Variants in XKR4 observed in about 807,000 individuals in gnomAD.
XKR4 encodes XK related 4.
XKR4 carries 12 observed loss-of-function variants against 53.9 expected under a neutral mutation model. The observed-to-expected ratio is 0.22, with a 90% CI of 0.14 to 0.36. The LOEUF is 0.36. Among genes scored for constraint, XKR4 ranks in the 10% least tolerant of loss-of-function variants. The pLI, the probability that XKR4 is intolerant of heterozygous loss-of-function variation, is 1.00. For missense variants in XKR4, 799 were observed against 859.5 expected (o/e 0.93, Z 0.88); for synonymous variants, 354 against 362.4 (o/e 0.98, Z 0.26).
intron 2 of XKR4, among the ~76,000 whole-genome samples, chr8:55,439,055 G>A (rs781319356): frequency 6.6e-6 from 1 of 152,178 alleles, no homozygotes; most frequent in Non-Finnish European, 1.5e-5. Context: ...GCGTAATTCA[G>A]CCTAGACTCT....
chr8:55,318,618 A>C (rs1473734777), intron 1 of XKR4, among the ~76,000 whole-genome samples: 1 of 152,188 alleles, frequency 6.6e-6, no homozygotes, highest in East Asian at 1.9e-4. Context: ...TGCTACCTGG[A>C]AACATTCATT....
intron 2 of XKR4, among the ~76,000 whole-genome samples, chr8:55,470,073 T>C (rs1805850068): frequency 6.6e-6 from 1 of 152,042 alleles, no homozygotes; most frequent in Non-Finnish European, 1.5e-5. Flanking sequence ...TCTGATGTAA[T>C]GGGGGAAAGT....
intron 2 of XKR4, among the ~76,000 whole-genome samples, chr8:55,490,259 G>T (rs1478692590): frequency 1.3e-5 from 2 of 152,144 alleles, no homozygotes; most frequent in Non-Finnish European, 2.9e-5. Flanking sequence ...AGAATAAAAT[G>T]ATGTAAAATG....
intron 2 of XKR4, among the ~76,000 whole-genome samples, chr8:55,378,155 C>A (rs751463614): frequency 5.9e-5 from 9 of 152,188 alleles, no homozygotes; most frequent in Non-Finnish European, 1.2e-4. Flanking sequence ...ACTACATTAA[C>A]ATGTGTAGAA....
intron 1 of XKR4, among the ~76,000 whole-genome samples, chr8:55,173,853 T>A (rs1267315924): frequency 6.6e-6 from 1 of 152,212 alleles, no homozygotes; most frequent in African/African-American, 2.4e-5. Context: ...ATATAATCAT[T>A]TACACACTTA....
At chr8:55,451,562 G>T in intron 2 of XKR4, 1 of 1,129,460 alleles carries the variant, frequency 8.9e-7, no homozygotes, top group Non-Finnish European at 1.3e-6. Flanking sequence ...CCAGAATGCA[G>T]CAGTACTGCC....
chr8:55,414,906 T>G (rs1232973669), intron 2 of XKR4, among the ~76,000 whole-genome samples: 1 of 152,180 alleles, frequency 6.6e-6, no homozygotes, highest in Non-Finnish European at 1.5e-5. Flanking sequence ...GACGCCACAT[T>G]TTCTACACAT....
chr8:55,183,144 T>C (rs1260557059), intron 1 of XKR4, among the ~76,000 whole-genome samples: 1 of 152,030 alleles, frequency 6.6e-6, no homozygotes, highest in Non-Finnish European at 1.5e-5. Context: ...TTAGAGTTTA[T>C]CAATTTTATT....
chr8:55,253,354 A>T (rs1462979877), intron 1 of XKR4, among the ~76,000 whole-genome samples: 1 of 152,266 alleles, frequency 6.6e-6, no homozygotes, highest in Non-Finnish European at 1.5e-5. Context: ...CGATGGATTT[A>T]ATACCATTTA....
intron 1 of XKR4, among the ~76,000 whole-genome samples, chr8:55,115,684 A>G (rs1276243910): frequency 6.6e-6 from 1 of 151,950 alleles, no homozygotes; most frequent in African/African-American, 2.4e-5. Flanking sequence ...TCTGGAGGCT[A>G]AGGCAAGAGA....
chr8:55,127,170 C>T (rs147977491), intron 1 of XKR4, among the ~76,000 whole-genome samples: 119 of 152,052 alleles, frequency 7.8e-4, no homozygotes, highest in African/African-American at 2.7e-3. Context: ...AGCTAAAATG[C>T]CCCCCAAAAG....
intron 2 of XKR4, among the ~76,000 whole-genome samples, chr8:55,460,170 C>A (rs191118921): frequency 6.6e-6 from 1 of 152,052 alleles, no homozygotes; most frequent in African/African-American, 2.4e-5. Flanking sequence ...GGAAACCGTA[C>A]GCAAAGACTA....
intron 2 of XKR4, among the ~76,000 whole-genome samples, chr8:55,493,701 G>A (rs1806302903): frequency 6.6e-6 from 1 of 152,170 alleles, no homozygotes; most frequent in East Asian, 1.9e-4. Context: ...TTAATAAGCA[G>A]TGGCATGAAA....
chr8:55,198,853 T>C (rs1481188439), intron 1 of XKR4, among the ~76,000 whole-genome samples: 1 of 152,200 alleles, frequency 6.6e-6, no homozygotes, highest in Non-Finnish European at 1.5e-5. Context: ...CCCACTTTGT[T>C]ATAGTGAGAG....
chr8:55,182,924 A>G (rs1279394756), intron 1 of XKR4, among the ~76,000 whole-genome samples: 3 of 152,116 alleles, frequency 2.0e-5, no homozygotes, highest in Non-Finnish European at 4.4e-5. Flanking sequence ...CTCCCAATCC[A>G]TGAACATGGT....
chr8:55,209,637 A>AT (rs1387216343), intron 1 of XKR4, among the ~76,000 whole-genome samples: 6 of 152,272 alleles, frequency 3.9e-5, no homozygotes, highest in Middle Eastern at 3.4e-3. Context: ...AGGAGGTCCC[A>AT]TTGTGGTCCA....
chr8:55,475,449 C>T (rs1461604364), intron 2 of XKR4, among the ~76,000 whole-genome samples: 1 of 151,914 alleles, frequency 6.6e-6, no homozygotes, highest in East Asian at 1.9e-4. Context: ...GAAGGTCTTG[C>T]TCTGTCATCC....
chr8:55,427,987 G>A (rs1400224267), intron 2 of XKR4, among the ~76,000 whole-genome samples: 1 of 152,122 alleles, frequency 6.6e-6, no homozygotes, highest in African/African-American at 2.4e-5. Flanking sequence ...CATTTGCGTA[G>A]TTAAAATTTA....
At chr8:55,449,415 C>A in intron 2 of XKR4, 1 of 659,574 alleles carries the variant, frequency 1.5e-6, no homozygotes, top group Non-Finnish European at 2.7e-6. Context: ...TGCCGAGGGC[C>A]GGGCCGGGGC....
Sources: allele counts gnomAD v4.1 joint callset (sites outside exome capture counted in the v4.1 genomes callset), GRCh38; gene constraint gnomAD v4.1.1; transcripts MANE v1.5; gene names NCBI Gene and HGNC (gene_info 2026-07-23, HGNC 2026-07-21).